GLO1: variants seen among roughly 807,000 people sequenced by gnomAD.
The protein encoded by GLO1 is glyoxalase I.
In GLO1, 28 loss-of-function variants were observed where a neutral mutation model predicts 26.0. The observed-to-expected ratio is 1.08, with a 90% CI of 0.80 to 1.48. The LOEUF (loss-of-function observed/expected upper bound fraction) is 1.48, where lower values mean the gene tolerates loss of function less well. Among genes scored for constraint, GLO1 ranks in the 40% most tolerant of loss-of-function variants. GLO1 has a pLI of 0.00. For missense variants in GLO1, 225 were observed against 224.8 expected, an observed-to-expected ratio of 1.00 and a Z score of -0.01; for synonymous variants, 78 against 77.6, an observed-to-expected ratio of 1.00 and a Z score of -0.03.
chr6:38,692,056 G>A (rs1252783937), intron 1 of GLO1, among the ~76,000 whole-genome samples: 1 of 150,862 alleles, frequency 6.6e-6, no homozygotes, highest in African/African-American at 2.5e-5. Flanking sequence ...TAGTTTTTTT[G>A]CCTTTCAATC....
intron 1 of GLO1, among the ~76,000 whole-genome samples, chr6:38,690,460 T>C (rs1761513833): frequency 1.3e-5 from 2 of 152,172 alleles, no homozygotes; most frequent in African/African-American, 2.4e-5. Context: ...GTATATTAAA[T>C]GGCATGGAGA....
chr6:38,687,159 A>G (rs1249216806), intron 1 of GLO1, 185 bp from the exon 2 acceptor site: 5 of 936,604 alleles, frequency 5.3e-6, no homozygotes, highest in Non-Finnish European at 6.4e-6. Context: ...AAGTGTCAGA[A>G]AGTTTCCACT....
chr6:38,703,020 G>A lies in GLO1; in HGVS notation c.35C>T (p.Thr12Met), dbSNP rs140507823. 6.3e-7 allele frequency: 1 copy of A among 1,593,566 alleles called. No homozygotes were observed. The change falls in exon 1 of 6, where the codon ACG (threonine) becomes ATG (methionine). Residue 12 changes from threonine (T) to methionine (M), a missense_variant. Thr to Met is a moderately conservative substitution (Grantham distance 81). Coordinates refer to ENST00000373365, the MANE Select transcript of GLO1 (RefSeq NM_006708.3). ...GCAGCAACTGAGGGCGGCCTCGTCC[G>A]TGAGGCCGCCGGACGGGGGCTGCGG... Reference protein sequence around the residue: ...AEPQPPSGGLTDEAALSCCSD... With the variant: ...AEPQPPSGGLMDEAALSCCSD...
chr6:38,693,679 C>A (rs1331683056), intron 1 of GLO1, among the ~76,000 whole-genome samples: 461 of 96,274 alleles, frequency 4.8e-3, no homozygotes, highest in South Asian at 0.017. Flanking sequence ...CTCTCTCTCT[C>A]TCTCTCTATA....
chr6:38,678,430 G>GAA (rs1324376845), intron 5 of GLO1, among the ~76,000 whole-genome samples: 2 of 150,842 alleles, frequency 1.3e-5, no homozygotes, highest in Non-Finnish European at 3.0e-5. Flanking sequence ...GAAAAGAAAA[G>GAA]AAAAGGAAAG....
chr6:38,687,663 T>C (rs1286970071), intron 1 of GLO1, among the ~76,000 whole-genome samples: 1 of 152,218 alleles, frequency 6.6e-6, no homozygotes, highest in Non-Finnish European at 1.5e-5. Flanking sequence ...GTAGAAGGTA[T>C]GTAAATTCAT....
intron 3 of GLO1, among the ~76,000 whole-genome samples, chr6:38,683,811 C>T (rs940728059): frequency 6.6e-5 from 10 of 151,930 alleles, no homozygotes; most frequent in Non-Finnish European, 1.0e-4. Context: ...GGAGTGAATC[C>T]GGGAGGCAGA....
intron 1 of GLO1, among the ~76,000 whole-genome samples, chr6:38,690,545 A>C (rs1453089259): frequency 6.9e-6 from 1 of 145,536 alleles, no homozygotes; most frequent in Admixed American, 6.8e-5. Flanking sequence ...AAAACATTAT[A>C]TATATATACA....
intron 2 of GLO1, among the ~76,000 whole-genome samples, chr6:38,684,825 T>A (rs1195281592): frequency 6.6e-6 from 1 of 152,218 alleles, no homozygotes; most frequent in Admixed American, 6.5e-5. Flanking sequence ...TGTGTTTATT[T>A]GTACTGAAAA....
At chr6:38,693,679 C>CTATATATA (rs1303486732) in intron 1 of GLO1, among the ~76,000 whole-genome samples, 4 of 96,362 alleles carry the variant, frequency 4.2e-5, no homozygotes, top group African/African-American at 1.3e-4. Context: ...CTCTCTCTCT[C>CTATATATA]TCTCTCTATA....
At chr6:38,687,404 T>C (rs764839835) in intron 1 of GLO1, among the ~76,000 whole-genome samples, 2 of 152,244 alleles carry the variant, frequency 1.3e-5, no homozygotes, top group Non-Finnish European at 2.9e-5. Flanking sequence ...TTCTCTCTAG[T>C]CTGCTTTGGG....
At chr6:38,700,827 T>C (rs1189029328) in intron 1 of GLO1, among the ~76,000 whole-genome samples, 1 of 149,670 alleles carries the variant, frequency 6.7e-6, no homozygotes, top group African/African-American at 2.5e-5. Flanking sequence ...TCACCCAAGC[T>C]GGAATGCAGT....
Position 38,679,125 on chromosome 6 carries a change from G to GT in GLO1, c.467-1743dup, listed in dbSNP as rs777455869. Among the ~76,000 whole-genome samples the GT allele has an allele frequency of 1.7e-4, 26 of 151,748 alleles. No individual in the cohort carries two copies. The East Asian group carries it at 1.9e-3, about 11-fold the overall frequency. ...GAATAATGGACCAAGAGCTATTTTT[G>GT]TTTTTTTTCTGGAGACAGGGTCTTG... On this transcript the variant is annotated intron_variant, in intron 5 of 5. Coordinates refer to ENST00000373365, the MANE Select transcript of GLO1 (RefSeq NM_006708.3).
chr6:38,681,388 T>A (rs566384972), intron 5 of GLO1, among the ~76,000 whole-genome samples: 30 of 152,222 alleles, frequency 2.0e-4, no homozygotes, highest in Admixed American at 9.8e-4. Flanking sequence ...TTAATTTTTT[T>A]AAAAAAGGAT....
chr6:38,691,015 G>A (rs1015496698), intron 1 of GLO1, among the ~76,000 whole-genome samples: 2 of 152,068 alleles, frequency 1.3e-5, no homozygotes, highest in African/African-American at 2.4e-5. Context: ...CTAAAATATC[G>A]TTTAAAATAC....
intron 1 of GLO1, among the ~76,000 whole-genome samples, chr6:38,696,361 C>T (rs1174640562): frequency 6.6e-6 from 1 of 151,924 alleles, no homozygotes; most frequent in Non-Finnish European, 1.5e-5. Flanking sequence ...ATCTCCATTG[C>T]CTCTTATCTT....
At chr6:38,679,607 G>A (rs1421916609) in intron 5 of GLO1, among the ~76,000 whole-genome samples, 2 of 152,074 alleles carry the variant, frequency 1.3e-5, no homozygotes, top group African/African-American at 4.8e-5. Flanking sequence ...ACCAGCCTGA[G>A]ATACATAGTA....
At chr6:38,696,500 C>T (rs1035779193) in intron 1 of GLO1, among the ~76,000 whole-genome samples, 4 of 152,176 alleles carry the variant, frequency 2.6e-5, no homozygotes, top group African/African-American at 4.8e-5. Flanking sequence ...AGTGTCTGTC[C>T]TCATAGATGG....
In GLO1 at chr6:38,690,564, T is replaced by C. The variant is rs559944993; in HGVS notation, c.85-3590A>G. Among the ~76,000 whole-genome samples, 383 of 103,804 alleles carry C rather than the reference T, an allele frequency of 3.7e-3. 1 individual carries two copies. Among genetic ancestry groups the C allele is most frequent in the Non-Finnish European group, 8.5e-3 (311 of 36,738 alleles). 68.1% of individuals were successfully genotyped at this position (103,804 alleles called of 152,430 possible). A position where few individuals can be genotyped will look rare whatever the true frequency, so the allele number is the denominator to read the frequency against. On this transcript the variant is annotated intron_variant, in intron 1 of 5. Coordinates refer to ENST00000373365, the MANE Select transcript of GLO1 (RefSeq NM_006708.3). ...CATTATATATATATACACACACACA[T>C]GCATATGAAAACAAATACCACTTAA...
Sources: allele counts gnomAD v4.1 joint callset (sites outside exome capture counted in the v4.1 genomes callset), GRCh38; gene constraint gnomAD v4.1.1; transcripts MANE v1.5; gene names NCBI Gene and HGNC (gene_info 2026-07-23, HGNC 2026-07-21).